The following PPP2CA variants were observed in gnomAD, a reference collection of about 807,000 sequenced individuals.
The protein encoded by PPP2CA is serine/threonine-protein phosphatase 2A catalytic subunit alpha isoform.
Under a neutral mutation model 38.8 loss-of-function variants are expected in PPP2CA, and 5 were observed. The ratio of observed to expected loss-of-function variants is 0.13; its 90% CI spans 0.07 to 0.27. PPP2CA has a LOEUF of 0.27. Ranked by LOEUF, PPP2CA falls within the 10% of genes least tolerant of loss-of-function variation. The probability of loss-of-function intolerance (pLI) is 1.00; values close to 1 mark genes in which losing one functional copy is unlikely to be tolerated. For missense variants in PPP2CA, 88 were observed against 389.7 expected (o/e 0.23, Z 6.52); for synonymous variants, 152 against 134.0 (o/e 1.13, Z -0.93).
intron 1 of PPP2CA, among the ~76,000 whole-genome samples, chr5:134,209,044 A>C (rs2149385376): frequency 6.6e-6 from 1 of 152,296 alleles, no homozygotes; most frequent in African/African-American, 2.4e-5. Context: ...TATGAAGTGA[A>C]CTTAACTAGT....
At chr5:134,204,697 A>AAC (rs1455112400) in intron 2 of PPP2CA, among the ~76,000 whole-genome samples, 1 of 152,026 alleles carries the variant, frequency 6.6e-6, no homozygotes, top group African/African-American at 2.4e-5. Flanking sequence ...GACTCAAGTG[A>AAC]TCCTTCCCGC....
At position 134,225,987 on chromosome 5, in the gene PPP2CA, G is replaced by T; in HGVS notation, c.-126C>A. ...TCTGGCGGCTGTTGAGGCTGGCGCT[G>T]GCCCGCTGGCTCTCACCGCAGTACT... On this transcript the variant is annotated 5_prime_UTR_variant, in exon 1 of 7. Transcript: ENST00000481195. 1 of 811,838 alleles carries T rather than the reference G, an allele frequency of 1.2e-6. No individual in the cohort carries two copies. The highest frequency in any genetic ancestry group is 1.9e-6 in the Non-Finnish European group (1 of 526,062). 50.3% of individuals were successfully genotyped at this position (811,838 alleles called of 1,614,324 possible).
chr5:134,224,271 G>A (rs1762511586), intron 1 of PPP2CA: 2 of 455,372 alleles, frequency 4.4e-6, no homozygotes, highest in South Asian at 3.1e-5. Context: ...TTTGACGTGA[G>A]AGGGTAAAGA....
rs150690938 is a variant in PPP2CA at position 134,197,999 on chromosome 5, T to G, written c.858-155A>C. Among the ~76,000 whole-genome samples the G allele has an allele frequency of 4.2e-4, 64 of 152,338 alleles. No individual in the cohort carries two copies. The East Asian group carries it at 0.012, about 28-fold the overall frequency. ...CTTAATGATAATGGTCTGTTAACTG[T>G]ACTCCCCTTGAAAGAGTCAAGGCAA... On this transcript the variant is annotated intron_variant, in intron 6 of 6. Transcript: ENST00000481195.
Position 134,205,792 on chromosome 5 carries a change from T to C in PPP2CA, c.312+130A>G, listed in dbSNP as rs1218931245. ...GCCTATGATTTTTAAGTCCAAAACCTGAACATATGCATTCCTAAATGTGGA... is the reference window on the plus strand; with the variant it reads ...GCCTATGATTTTTAAGTCCAAAACCCGAACATATGCATTCCTAAATGTGGA... On this transcript the variant is annotated intron_variant, in intron 2 of 6. Transcript: ENST00000481195. 5.2e-6 allele frequency: 4 copies of C among 767,756 alleles called. No individual in the cohort carries two copies. The African/African-American group carries it at 5.3e-5, about 10-fold the overall frequency. 47.6% of individuals were successfully genotyped at this position (767,756 alleles called of 1,614,324 possible). A position where few individuals can be genotyped will look rare whatever the true frequency, so the allele number is the denominator to read the frequency against.
At chr5:134,219,873 T>C (rs921619673) in intron 1 of PPP2CA, among the ~76,000 whole-genome samples, 5 of 151,472 alleles carry the variant, frequency 3.3e-5, no homozygotes, top group Non-Finnish European at 5.9e-5. Flanking sequence ...TAGCTAGGCA[T>C]GGTGGCACAT....
At chr5:134,214,884 T>C (rs1762283831) in intron 1 of PPP2CA, among the ~76,000 whole-genome samples, 3 of 152,154 alleles carry the variant, frequency 2.0e-5, no homozygotes. Flanking sequence ...TCTAAGAGTT[T>C]TTCATTTTAA....
In PPP2CA at chr5:134,225,878, G is replaced by T; in HGVS notation, c.-17C>A. ...CTCGTCCATGATGCCACCCGCCCCAGCCGGCTGCCGCTCCGCGCTGCTCCC... is the reference window on the plus strand; with the variant it reads ...CTCGTCCATGATGCCACCCGCCCCATCCGGCTGCCGCTCCGCGCTGCTCCC... On this transcript the variant is annotated 5_prime_UTR_variant, in exon 1 of 7. It adds an upstream start codon to the 5' untranslated region. Transcript: ENST00000481195. The T allele has an allele frequency of 6.2e-7, 1 of 1,600,772 alleles. No homozygotes were observed.
chr5:134,198,572 A>G (rs116320835), intron 6 of PPP2CA, among the ~76,000 whole-genome samples: 2,528 of 152,074 alleles, frequency 0.017, 77 homozygotes, highest in African/African-American at 0.058. Flanking sequence ...ATCCCTTAAT[A>G]AACACTTTTT....
intron 2 of PPP2CA, chr5:134,202,601 C>T (rs1470556219): frequency 6.6e-6 from 1 of 152,160 alleles, no homozygotes; most frequent in Non-Finnish European, 1.5e-5. Context: ...TATGGCTATA[C>T]CATTTTTTGT....
At chr5:134,209,877 G>A (rs1307718076) in intron 1 of PPP2CA, among the ~76,000 whole-genome samples, 3 of 152,076 alleles carry the variant, frequency 2.0e-5, no homozygotes, top group Non-Finnish European at 4.4e-5. Context: ...TCAGAGACCA[G>A]CCTGGGCAAC....
chr5:134,201,131 G>T, intron 3 of PPP2CA, 57 bp from the exon 4 acceptor site: 1 of 1,359,516 alleles, frequency 7.4e-7, no homozygotes. Context: ...AACATTCTTG[G>T]CTGGGCACAG....
intron 3 of PPP2CA, among the ~76,000 whole-genome samples, 184 bp from the exon 4 acceptor site, chr5:134,201,258 T>C (rs1329378907): frequency 6.6e-6 from 1 of 152,114 alleles, no homozygotes; most frequent in Non-Finnish European, 1.5e-5. Flanking sequence ...TACAAAAATT[T>C]TAAAAAATGA....
At chr5:134,200,251 A>G (rs1030091226) in intron 5 of PPP2CA, 84 bp downstream of exon 5, 1 of 1,411,948 alleles carries the variant, frequency 7.1e-7, no homozygotes, top group African/African-American at 1.5e-5. Context: ...TTTCTCACAA[A>G]TGTCATTAAT....
intron 5 of PPP2CA, 23 bp downstream of exon 5, chr5:134,200,312 A>T (rs752264700): frequency 7.0e-6 from 11 of 1,569,660 alleles, no homozygotes; most frequent in African/African-American, 1.4e-5. Context: ...AAAACAAGTC[A>T]TATTTCAGAG....
chr5:134,209,965 G>A lies in PPP2CA; in HGVS notation c.103-3834C>T, dbSNP rs559958518. Among the ~76,000 whole-genome samples, 6 of 151,888 alleles carry A rather than the reference G, an allele frequency of 4.0e-5. 1 individual carries two copies. In the South Asian group the frequency reaches 1.0e-3, roughly 26 times the overall value. On this transcript the variant is annotated intron_variant, in intron 1 of 6. Coordinates refer to ENST00000481195, the MANE Select transcript of PPP2CA (RefSeq NM_002715.4). Reference sequence around the variant, plus strand: ...TGGTGGCACACACCTGCAGTTTTAGGTACCCAAAAGGCTGAGCTAGGAGAA... The same window carrying A: ...TGGTGGCACACACCTGCAGTTTTAGATACCCAAAAGGCTGAGCTAGGAGAA...
chr5:134,208,911 A>G (rs1762142232), intron 1 of PPP2CA, among the ~76,000 whole-genome samples: 1 of 152,196 alleles, frequency 6.6e-6, no homozygotes, highest in African/African-American at 2.4e-5. Flanking sequence ...ATTTTCTCAT[A>G]GTGGAGGCAG....
At chr5:134,216,354 T>C (rs1225914261) in intron 1 of PPP2CA, among the ~76,000 whole-genome samples, 1 of 151,216 alleles carries the variant, frequency 6.6e-6, no homozygotes, top group African/African-American at 2.4e-5. Context: ...CTGGGCAACA[T>C]GGCGAAACAC....
chr5:134,206,583 G>C (rs757598189), intron 1 of PPP2CA, among the ~76,000 whole-genome samples: 3 of 152,040 alleles, frequency 2.0e-5, no homozygotes, highest in Non-Finnish European at 2.9e-5. Context: ...ACTGTAGCCT[G>C]GATCTTCTTG....
Sources: allele counts gnomAD v4.1 joint callset (sites outside exome capture counted in the v4.1 genomes callset), GRCh38; gene constraint gnomAD v4.1.1; transcripts MANE v1.5; gene names NCBI Gene and HGNC (gene_info 2026-07-23, HGNC 2026-07-21).